The following RBFOX1 variants were observed in gnomAD, a reference collection of about 807,000 sequenced individuals.
RBFOX1 encodes the protein RNA binding fox-1 homolog 1.
In RBFOX1, 8 loss-of-function variants were observed where a neutral mutation model predicts 57.7. The ratio of observed to expected loss-of-function variants is 0.14; its 90% CI spans 0.08 to 0.25. RBFOX1 has a LOEUF of 0.25. Among genes scored for constraint, RBFOX1 ranks in the 10% least tolerant of loss-of-function variants. The probability of loss-of-function intolerance (pLI) is 1.00; values close to 1 mark genes in which losing one functional copy is unlikely to be tolerated. For missense variants in RBFOX1, 611 were observed against 548.5 expected (o/e 1.11, Z -1.14); for synonymous variants, 326 against 222.4 (o/e 1.47, Z -4.15).
intron 2 of RBFOX1, among the ~76,000 whole-genome samples, chr16:6,474,295 C>A (rs981534388): frequency 6.6e-6 from 1 of 152,146 alleles, no homozygotes; most frequent in Non-Finnish European, 1.5e-5. Context: ...GCGGACGTGA[C>A]ATCTGTTTTC....
intron 4 of RBFOX1, among the ~76,000 whole-genome samples, chr16:7,374,372 G>A (rs59837729): frequency 0.015 from 2,307 of 152,298 alleles, 63 homozygotes; most frequent in African/African-American, 0.053. Context: ...CCTCCCTACA[G>A]CATTCCCCTC....
At chr16:7,059,126 G>A (rs1298900646) in intron 4 of RBFOX1, among the ~76,000 whole-genome samples, 2 of 152,134 alleles carry the variant, frequency 1.3e-5, no homozygotes, top group African/African-American at 4.8e-5. Flanking sequence ...CCTTCATCTG[G>A]ACATCAGATA....
intron 2 of RBFOX1, among the ~76,000 whole-genome samples, chr16:6,487,688 AAAAAAAAAAAAAATATATATATATAT>A (rs1264322204): frequency 1.6e-4 from 5 of 30,346 alleles, no homozygotes; most frequent in Admixed American, 4.2e-4. Flanking sequence ...AAAAAAAAAA[AAAAAAAAAAAAAATATATATATATAT>A]ATATATATAT....
At chr16:5,560,620 T>C (rs1444912569) in intron 2 of RBFOX1, among the ~76,000 whole-genome samples, 2 of 152,214 alleles carry the variant, frequency 1.3e-5, no homozygotes, top group Non-Finnish European at 2.9e-5. Context: ...TATGTATTTA[T>C]TGAATAAATG....
At chr16:5,892,557 G>A (rs1035720464) in intron 4 of RBFOX1, among the ~76,000 whole-genome samples, 2 of 152,182 alleles carry the variant, frequency 1.3e-5, no homozygotes, top group Admixed American at 6.5e-5. Flanking sequence ...AATGAGAGAC[G>A]AGCTGTGAGA....
At chr16:5,390,430 A>G (rs2066374885) in intron 1 of RBFOX1, among the ~76,000 whole-genome samples, 1 of 151,374 alleles carries the variant, frequency 6.6e-6, no homozygotes, top group Non-Finnish European at 1.5e-5. Context: ...CTGGGATTAC[A>G]GGCGCCCACG....
At chr16:6,403,974 G>C (rs1295593022) in intron 2 of RBFOX1, among the ~76,000 whole-genome samples, 1 of 152,104 alleles carries the variant, frequency 6.6e-6, no homozygotes, top group Non-Finnish European at 1.5e-5. Flanking sequence ...GCTCTCACCA[G>C]AATCCAACCA....
chr16:7,654,171 A>C (rs12446930), intron 12 of RBFOX1, among the ~76,000 whole-genome samples: 2,603 of 152,322 alleles, frequency 0.017, 41 homozygotes, highest in Non-Finnish European at 0.027. Flanking sequence ...TAAGCATTCT[A>C]CATGTCACAT....
chr16:6,782,354 G>C (rs528936779), intron 3 of RBFOX1, among the ~76,000 whole-genome samples: 45 of 152,236 alleles, frequency 3.0e-4, no homozygotes, highest in African/African-American at 9.4e-4. Flanking sequence ...ATAGGTTTCA[G>C]TATGCTGTGT....
chr16:7,432,627 C>T (rs188270320), intron 4 of RBFOX1, among the ~76,000 whole-genome samples: 6 of 152,320 alleles, frequency 3.9e-5, no homozygotes, highest in Admixed American at 3.3e-4. Context: ...AAAGCAGTCA[C>T]AGACAATACA....
intron 1 of RBFOX1, among the ~76,000 whole-genome samples, chr16:6,156,302 T>A (rs2096837976): frequency 6.6e-6 from 1 of 152,212 alleles, no homozygotes; most frequent in Non-Finnish European, 1.5e-5. Context: ...GAACATTGAT[T>A]TTGTTAAAGG....
At chr16:6,723,354 T>G (rs775019560) in intron 3 of RBFOX1, among the ~76,000 whole-genome samples, 1 of 151,936 alleles carries the variant, frequency 6.6e-6, no homozygotes, top group African/African-American at 2.4e-5. Context: ...GGTTATAACA[T>G]TGAGTATAGC....
At chr16:7,217,720 A>C (rs2092327610) in intron 4 of RBFOX1, among the ~76,000 whole-genome samples, 1 of 152,190 alleles carries the variant, frequency 6.6e-6, no homozygotes, top group Non-Finnish European at 1.5e-5. Flanking sequence ...ATTTCTTCTG[A>C]GAAAAAGCTT....
In RBFOX1 at chr16:6,732,870, A is replaced by G. The variant is rs1332835864; in HGVS notation, c.-16+78220A>G. On this transcript the variant is annotated intron_variant, in intron 3 of 15. Coordinates refer to ENST00000550418, the MANE Select transcript of RBFOX1 (RefSeq NM_018723.4). ...CCATTATGTAAACTTTTCACAACAA[A>G]TTTGCATCTGAAAGTTTGTTGATCC... is the stretch of plus-strand genomic sequence containing the variant. Among the ~76,000 whole-genome samples the G allele has an allele frequency of 2.0e-5, 3 of 152,178 alleles. No homozygotes were observed. The South Asian group carries it at 6.2e-4, about 31-fold the overall frequency.
chr16:7,419,050 G>A (rs1422332022), intron 4 of RBFOX1, among the ~76,000 whole-genome samples: 1 of 152,100 alleles, frequency 6.6e-6, no homozygotes, highest in Non-Finnish European at 1.5e-5. Context: ...GACTACAGGT[G>A]TTCGTCACCA....
intron 2 of RBFOX1, among the ~76,000 whole-genome samples, chr16:6,330,767 A>C (rs575331700): frequency 1.3e-5 from 2 of 152,216 alleles, no homozygotes; most frequent in Non-Finnish European, 2.9e-5. Flanking sequence ...GAGTGCTGCA[A>C]TGTAAACACA....
chr16:5,960,399 C>T (rs1320392209), intron 4 of RBFOX1, among the ~76,000 whole-genome samples: 1 of 152,102 alleles, frequency 6.6e-6, no homozygotes, highest in East Asian at 1.9e-4. Context: ...TTTCACATTA[C>T]CACCAGCCCC....
At chr16:6,345,298 G>A (rs374165340) in intron 2 of RBFOX1, among the ~76,000 whole-genome samples, 3 of 152,192 alleles carry the variant, frequency 2.0e-5, no homozygotes, top group South Asian at 2.1e-4. Context: ...TCCTTACAGA[G>A]CAGGGCTCCC....
At chr16:7,179,274 G>A (rs2082242261) in intron 4 of RBFOX1, among the ~76,000 whole-genome samples, 1 of 151,182 alleles carries the variant, frequency 6.6e-6, no homozygotes, top group Non-Finnish European at 1.5e-5. Flanking sequence ...TGCTTTCAGA[G>A]TTCATGTCCA....
Sources: gnomAD v4.1 joint callset for allele counts (sites outside exome capture counted in the v4.1 genomes callset) on GRCh38, gnomAD v4.1.1 for gene constraint, MANE v1.5 for transcripts, NCBI Gene and HGNC (gene_info 2026-07-23, HGNC 2026-07-21) for gene names.